FUT9: variants seen among roughly 807,000 people sequenced by gnomAD.
FUT9 encodes the protein fucosyltransferase 9, also known as 4-galactosyl-N-acetylglucosaminide 3-alpha-L-fucosyltransferase 9.
Under a neutral mutation model 29.7 loss-of-function variants are expected in FUT9, and 15 were observed. The ratio of observed to expected loss-of-function variants is 0.51; its 90% confidence interval spans 0.34 to 0.78. FUT9 has a LOEUF of 0.78. Ranked by LOEUF, FUT9 falls within the 30% of genes least tolerant of loss-of-function variation. The probability of loss-of-function intolerance (pLI) is 0.01; values close to 1 mark genes in which losing one functional copy is unlikely to be tolerated. For missense variants in FUT9, 319 were observed against 425.4 expected, an observed-to-expected ratio of 0.75 and a Z score of 2.20; for synonymous variants, 169 against 153.7, an observed-to-expected ratio of 1.10 and a Z score of -0.74.
chr6:96,197,119 T>C (rs1490814500), intron 2 of FUT9, among the ~76,000 whole-genome samples: 2 of 152,130 alleles, frequency 1.3e-5, no homozygotes, highest in African/African-American at 4.8e-5. Context: ...TGTAGCTCTC[T>C]TGCCAGTAGA....
At chr6:96,016,418 G>C (rs1327451448) in intron 1 of FUT9, among the ~76,000 whole-genome samples, 1 of 151,970 alleles carries the variant, frequency 6.6e-6, no homozygotes, top group Non-Finnish European at 1.5e-5. Context: ...CTCCGTCTTG[G>C]GGACAGCTGC....
At chr6:96,127,292 C>T (rs1272227723) in intron 2 of FUT9, among the ~76,000 whole-genome samples, 1 of 152,070 alleles carries the variant, frequency 6.6e-6, no homozygotes, top group African/African-American at 2.4e-5. Flanking sequence ...ATACATGATA[C>T]TTAGTTTCTT....
At chr6:96,026,327 T>C (rs1191349694) in intron 1 of FUT9, among the ~76,000 whole-genome samples, 1 of 151,646 alleles carries the variant, frequency 6.6e-6, no homozygotes, top group East Asian at 1.9e-4. Context: ...AACCTTTCAC[T>C]AAGATAGAAA....
chr6:96,050,682 T>G (rs867293503), intron 1 of FUT9, among the ~76,000 whole-genome samples: 1 of 152,222 alleles, frequency 6.6e-6, no homozygotes, highest in African/African-American at 2.4e-5. Flanking sequence ...CTCAGAGATA[T>G]CCTATGATTG....
At chr6:96,029,257 T>C (rs1162974951) in intron 1 of FUT9, among the ~76,000 whole-genome samples, 2 of 150,644 alleles carry the variant, frequency 1.3e-5, no homozygotes, top group Non-Finnish European at 3.0e-5. Flanking sequence ...AAAGACTGAC[T>C]GACAGTTTAG....
intron 2 of FUT9, among the ~76,000 whole-genome samples, chr6:96,199,784 C>A (rs1001551701): frequency 6.6e-6 from 1 of 152,068 alleles, no homozygotes; most frequent in Admixed American, 6.6e-5. Context: ...ATCTGGTTAC[C>A]TACCAAGCAC....
chr6:96,199,789 A>T (rs1466047780), intron 2 of FUT9, among the ~76,000 whole-genome samples: 1 of 152,188 alleles, frequency 6.6e-6, no homozygotes, highest in Non-Finnish European at 1.5e-5. Context: ...GTTACCTACC[A>T]AGCACAGTAC....
At chr6:96,184,915 A>T (rs183746669) in intron 2 of FUT9, among the ~76,000 whole-genome samples, 1 of 152,032 alleles carries the variant, frequency 6.6e-6, no homozygotes, top group Non-Finnish European at 1.5e-5. Flanking sequence ...GTTTGTTTAC[A>T]GTAAGCAATT....
At chr6:96,157,225 T>G (rs138222672) in intron 2 of FUT9, among the ~76,000 whole-genome samples, 1 of 152,204 alleles carries the variant, frequency 6.6e-6, no homozygotes, top group African/African-American at 2.4e-5. Context: ...CGTTTTCTCT[T>G]GTAATTATGA....
At chr6:96,093,133 T>C (rs1040905311) in intron 1 of FUT9, among the ~76,000 whole-genome samples, 2 of 152,112 alleles carry the variant, frequency 1.3e-5, no homozygotes, top group African/African-American at 4.8e-5. Flanking sequence ...GGTTTTGTGA[T>C]TAGTATCTAT....
chr6:96,111,256 C>A (rs9390863), intron 1 of FUT9, among the ~76,000 whole-genome samples: 3,886 of 152,176 alleles, frequency 0.026, 73 homozygotes, highest in East Asian at 0.079. Flanking sequence ...CTCTTTCCCA[C>A]CTCTACCCCA....
chr6:96,033,689 A>T (rs1016521157), intron 1 of FUT9, among the ~76,000 whole-genome samples: 1 of 151,686 alleles, frequency 6.6e-6, no homozygotes, highest in African/African-American at 2.4e-5. Context: ...CAAACTAAAC[A>T]ATTATATAGA....
chr6:96,187,679 TA>T (rs1420733847), intron 2 of FUT9, among the ~76,000 whole-genome samples: 1 of 152,084 alleles, frequency 6.6e-6, no homozygotes, highest in Non-Finnish European at 1.5e-5. Flanking sequence ...ATTATAAAAA[TA>T]TACAGGGAGG....
At chr6:96,074,099 G>A (rs1771106660) in intron 1 of FUT9, among the ~76,000 whole-genome samples, 1 of 152,132 alleles carries the variant, frequency 6.6e-6, no homozygotes, top group Non-Finnish European at 1.5e-5. Flanking sequence ...CTAAAAACCT[G>A]TTATTTTATT....
Position 96,203,904 on chromosome 6 carries a change from A to G in FUT9, c.749A>G (p.Lys250Arg), listed in dbSNP as rs760686483. The change falls in exon 3 of 3, where the codon AAG (lysine) becomes AGG (arginine). Residue 250 changes from lysine (K) to arginine (R), a missense_variant. Coordinates refer to ENST00000302103, the MANE Select transcript of FUT9 (RefSeq NM_006581.4). ...CTTTCCTTTGAAAATTCAATCCACA[A>G]GGATTACATCACGGAAAAGCTATAC... ...FYLSFENSIH[K>R]DYITEKLYNA... 4 of 1,612,634 alleles carry G rather than the reference A, an allele frequency of 2.5e-6. No homozygotes were observed. Among genetic ancestry groups the G allele is most frequent in the Non-Finnish European group, 3.4e-6 (4 of 1,178,892 alleles).
chr6:96,075,349 T>C (rs1413703143), intron 1 of FUT9, among the ~76,000 whole-genome samples: 1 of 152,168 alleles, frequency 6.6e-6, no homozygotes, highest in Non-Finnish European at 1.5e-5. Flanking sequence ...CAGGGTTTGA[T>C]ACCAAGAAAA....
intron 2 of FUT9, among the ~76,000 whole-genome samples, chr6:96,193,511 T>C (rs1261002508): frequency 6.6e-6 from 1 of 151,418 alleles, no homozygotes; most frequent in African/African-American, 2.4e-5. Flanking sequence ...AGATACCATC[T>C]CACACCAGTT....
intron 1 of FUT9, among the ~76,000 whole-genome samples, chr6:96,045,690 G>C (rs190693193): frequency 6.6e-6 from 1 of 152,172 alleles, no homozygotes; most frequent in African/African-American, 2.4e-5. Context: ...TAGAGAAAAG[G>C]GTGCTTGGAT....
intron 1 of FUT9, among the ~76,000 whole-genome samples, chr6:96,041,521 G>A (rs1457889577): frequency 6.6e-6 from 1 of 152,080 alleles, no homozygotes; most frequent in African/African-American, 2.4e-5. Context: ...GGAAAATAAT[G>A]ACAGTCTTTT....
Sources: gnomAD v4.1 joint callset for allele counts (sites outside exome capture counted in the v4.1 genomes callset) on GRCh38, gnomAD v4.1.1 for gene constraint, MANE v1.5 for transcripts, NCBI Gene and HGNC (gene_info 2026-07-23, HGNC 2026-07-21) for gene names.